Variants in SDK1 observed in about 807,000 individuals in gnomAD.
SDK1 encodes the protein sidekick cell adhesion molecule 1.
Under a neutral mutation model 245.5 loss-of-function variants are expected in SDK1, and 157 were observed. The observed-to-expected ratio is 0.64, with a 90% confidence interval of 0.56 to 0.73. The LOEUF (loss-of-function observed/expected upper bound fraction) is 0.73, where lower values mean the gene tolerates loss of function less well. Ranked by LOEUF, SDK1 falls within the 30% of genes least tolerant of loss-of-function variation. The probability of loss-of-function intolerance (pLI) is 0.00; values close to 1 mark genes in which losing one functional copy is unlikely to be tolerated. For missense variants in SDK1, 3,583 were observed against 3,002.3 expected (o/e 1.19, Z -4.52); for synonymous variants, 1,647 against 1,278.5 (o/e 1.29, Z -6.15).
At chr7:4,056,518 C>T (rs1232081265) in intron 19 of SDK1, among the ~76,000 whole-genome samples, 2 of 152,136 alleles carry the variant, frequency 1.3e-5, no homozygotes, top group African/African-American at 2.4e-5. Context: ...AGCAGCTCCT[C>T]CGGGACTGAG....
chr7:3,499,281 A>G (rs745930371), intron 1 of SDK1, among the ~76,000 whole-genome samples: 12 of 152,238 alleles, frequency 7.9e-5, no homozygotes, highest in Non-Finnish European at 1.6e-4. Context: ...CTTGCTTACA[A>G]TGCCTTCTCA....
intron 20 of SDK1, 88 bp downstream of exon 20, chr7:4,068,024 G>T: frequency 1.1e-6 from 1 of 894,172 alleles, no homozygotes; most frequent in Non-Finnish European, 1.8e-6. Context: ...ACTGCTGACA[G>T]CATGGACCCG....
At chr7:3,990,909 C>T (rs1230576990) in intron 14 of SDK1, among the ~76,000 whole-genome samples, 5 of 152,194 alleles carry the variant, frequency 3.3e-5, no homozygotes, top group Non-Finnish European at 7.4e-5. Context: ...AGCTTGCCTC[C>T]ATGAGAAGCA....
At chr7:3,419,259 G>C (rs1243097086) in intron 1 of SDK1, among the ~76,000 whole-genome samples, 1 of 152,180 alleles carries the variant, frequency 6.6e-6, no homozygotes, top group Non-Finnish European at 1.5e-5. Context: ...GGCAGAATTG[G>C]CATTTGAACC....
At chr7:3,666,665 G>T (rs1255190373) in intron 4 of SDK1, among the ~76,000 whole-genome samples, 1 of 151,284 alleles carries the variant, frequency 6.6e-6, no homozygotes, top group Non-Finnish European at 1.5e-5. Context: ...CGTCGTTGGC[G>T]ATTGGTATTT....
chr7:3,542,682 C>G (rs556982171), intron 1 of SDK1, among the ~76,000 whole-genome samples: 1 of 151,970 alleles, frequency 6.6e-6, no homozygotes, highest in Non-Finnish European at 1.5e-5. Flanking sequence ...TTGGCTATGC[C>G]TTACAGTACT....
intron 17 of SDK1, among the ~76,000 whole-genome samples, chr7:4,036,053 C>G (rs764420826): frequency 6.6e-5 from 10 of 152,270 alleles, no homozygotes; most frequent in Non-Finnish European, 2.9e-5. Flanking sequence ...ATAACATTTT[C>G]TACACCGGAT....
chr7:4,087,941 C>G (rs1222962998), intron 22 of SDK1, among the ~76,000 whole-genome samples: 4 of 152,184 alleles, frequency 2.6e-5, no homozygotes, highest in Admixed American at 2.6e-4. Context: ...TAGGGGAACA[C>G]AATTGATTTT....
At chr7:3,644,797 A>C (rs797017740) in intron 4 of SDK1, among the ~76,000 whole-genome samples, 24 of 131,640 alleles carry the variant, frequency 1.8e-4, no homozygotes, top group Non-Finnish European at 2.5e-4. Context: ...AAAAAACAAA[A>C]AACAACAACA....
chr7:4,152,695 A>T (rs1780465829), intron 30 of SDK1, among the ~76,000 whole-genome samples: 1 of 152,222 alleles, frequency 6.6e-6, no homozygotes, highest in African/African-American at 2.4e-5. Flanking sequence ...GGAGAATCCC[A>T]GGAAAGTGAT....
intron 14 of SDK1, 151 bp downstream of exon 14, chr7:3,987,473 A>C (rs1482814970): frequency 2.4e-6 from 2 of 820,776 alleles, no homozygotes; most frequent in Admixed American, 2.5e-5. Flanking sequence ...CCTGCCCTTT[A>C]GGAAAGAAAA....
chr7:3,556,793 C>CAAAT (rs985884690), intron 1 of SDK1, among the ~76,000 whole-genome samples: 3 of 151,988 alleles, frequency 2.0e-5, no homozygotes, highest in Admixed American at 6.6e-5. Context: ...GATTCTGTTT[C>CAAAT]AAATAAATAA....
intron 1 of SDK1, among the ~76,000 whole-genome samples, chr7:3,611,914 G>C (rs1036200681): frequency 6.6e-6 from 1 of 152,134 alleles, no homozygotes; most frequent in Non-Finnish European, 1.5e-5. Flanking sequence ...ATACTATTCA[G>C]CTCTGAAAAG....
intron 5 of SDK1, among the ~76,000 whole-genome samples, chr7:3,944,700 T>C (rs1780505747): frequency 6.6e-6 from 1 of 152,224 alleles, no homozygotes; most frequent in Non-Finnish European, 1.5e-5. Flanking sequence ...GTTGACCTCT[T>C]CTTGCTTACA....
intron 4 of SDK1, among the ~76,000 whole-genome samples, chr7:3,732,765 G>A (rs909373140): frequency 1.3e-5 from 2 of 152,196 alleles, no homozygotes; most frequent in African/African-American, 4.8e-5. Context: ...TGCCATAGCA[G>A]CTTCAATAAG....
At chr7:3,980,734 G>C (rs571944221) in intron 13 of SDK1, among the ~76,000 whole-genome samples, 1 of 152,316 alleles carries the variant, frequency 6.6e-6, no homozygotes, top group South Asian at 2.1e-4. Flanking sequence ...ACGAGGTCAA[G>C]ATTTCAAGAC....
At chr7:3,936,184 C>T (rs374798105) in intron 5 of SDK1, among the ~76,000 whole-genome samples, 1 of 152,088 alleles carries the variant, frequency 6.6e-6, no homozygotes, top group African/African-American at 2.4e-5. Context: ...TATCTAGAAT[C>T]AAGTTCACAG....
At chr7:3,986,590 G>T (rs527534926) in intron 13 of SDK1, among the ~76,000 whole-genome samples, 17 of 152,194 alleles carry the variant, frequency 1.1e-4, no homozygotes, top group Non-Finnish European at 2.1e-4. Flanking sequence ...GCCGGGCATG[G>T]TGGCTCACGC....
intron 1 of SDK1, among the ~76,000 whole-genome samples, chr7:3,579,907 C>G (rs2128632180): frequency 6.6e-6 from 1 of 152,202 alleles, no homozygotes; most frequent in South Asian, 2.1e-4. Context: ...CATCTTGGCC[C>G]AAAGTGTTCT....
Sources: gnomAD v4.1 joint callset for allele counts (sites outside exome capture counted in the v4.1 genomes callset) on GRCh38, gnomAD v4.1.1 for gene constraint, MANE v1.5 for transcripts, NCBI Gene and HGNC (gene_info 2026-07-23, HGNC 2026-07-21) for gene names.